Variants in IRF3 observed in about 807,000 individuals in gnomAD.
IRF3 encodes the protein interferon regulatory factor 3.
A neutral mutation model predicts 43.2 loss-of-function variants in IRF3; 29 were observed. That is an observed-to-expected ratio of 0.67 (90% CI 0.50 to 0.91). The LOEUF is 0.91. Ranked by LOEUF, IRF3 falls within the 40% of genes least tolerant of loss-of-function variation. The pLI is 0.00. For synonymous variants in IRF3, 228 were observed against 233.9 expected (o/e 0.97, Z 0.23); for missense variants, 505 against 559.1 (o/e 0.90, Z 0.98).
At chr19:49,664,909 T>G in intron 1 of IRF3, 63 bp from the exon 2 acceptor site, 1 of 1,519,758 alleles carries the variant, frequency 6.6e-7, no homozygotes, top group Non-Finnish European at 8.8e-7. Flanking sequence ...GGCCTGGAGT[T>G]TCCGCACCCA....
chr19:49,663,687 G>A (rs541434873), intron 2 of IRF3, 173 bp from the exon 3 acceptor site: 1 of 615,824 alleles, frequency 1.6e-6, no homozygotes, highest in South Asian at 2.1e-5. Flanking sequence ...CCCACCTCTA[G>A]TTTTCAAAAG....
At chr19:49,661,856 G>A in intron 6 of IRF3, 92 bp downstream of exon 6, 1 of 1,466,872 alleles carries the variant, frequency 6.8e-7, no homozygotes, top group Non-Finnish European at 9.2e-7. Context: ...TGGGACTACA[G>A]GCGTGAGCCA....
Position 49,665,744 on chromosome 19 carries a change from A to C in IRF3, c.-122T>G. 6.6e-7 allele frequency: 1 copy of C among 1,515,306 alleles called. No individual in the cohort carries two copies. Among genetic ancestry groups the C allele is most frequent in the South Asian group, 1.3e-5 (1 of 77,894 alleles). 93.9% of individuals were successfully genotyped at this position (1,515,306 alleles called of 1,614,324 possible). On this transcript the variant is annotated 5_prime_UTR_variant, in exon 1 of 8. Coordinates refer to ENST00000377139, the MANE Select transcript of IRF3 (RefSeq NM_001571.6). ...CCCTTTCCCGTCAGCTGAGCTCTAG[A>C]GCGCTGGGGCTTTCTTTTTGATCGA...
At position 49,665,637 on chromosome 19, in the gene IRF3, T is replaced by C. The variant is rs1052457688; in HGVS notation, c.-15A>G. 4.2e-5 allele frequency: 30 copies of C among 708,316 alleles called. No homozygotes were observed. The highest frequency in any genetic ancestry group is 6.1e-5 in the Non-Finnish European group (27 of 439,198). 43.9% of individuals were successfully genotyped at this position (708,316 alleles called of 1,614,324 possible). A position where few individuals can be genotyped will look rare whatever the true frequency, so the allele number is the denominator to read the frequency against. ...CCGGGCTCTTCCGCGTTACCTACGA[T>C]GGAAGGTCGGGGCGTGCGGGCAGCT... On this transcript the variant is annotated 5_prime_UTR_variant, in exon 1 of 8. Transcript: ENST00000377139.
At chr19:49,661,294 G>A (rs570553269) in intron 6 of IRF3, among the ~76,000 whole-genome samples, 5 of 152,254 alleles carry the variant, frequency 3.3e-5, no homozygotes, top group Non-Finnish European at 7.3e-5. Flanking sequence ...GCAGGTGACT[G>A]TCATTTCCAT....
At chr19:49,660,024 CACA>C (rs1255746069) in intron 7 of IRF3, among the ~76,000 whole-genome samples, 191 bp from the exon 8 acceptor site, 51 of 120,956 alleles carry the variant, frequency 4.2e-4, no homozygotes, top group South Asian at 5.4e-4. Flanking sequence ...CACACACACA[CACA>C]CCCCCTGCTG....
Position 49,660,801 on chromosome 19 carries a change from C to G in IRF3, c.1010G>C (p.Gly337Ala), listed in dbSNP as rs1416297269. The change falls in exon 7 of 8, where the codon GGA becomes GCA. Residue 337 changes from glycine (G) to alanine (A), a missense_variant. Transcript: ENST00000377139. Reference sequence around the variant, plus strand: ...CCAGAGGGCATAGCGTGGTGAGCGTCCGCTTCCTTCCGTGAAGGTAATCAG... The same window carrying G: ...CCAGAGGGCATAGCGTGGTGAGCGTGCGCTTCCTTCCGTGAAGGTAATCAG... Reference protein sequence around the residue: ...VDLITFTEGSGRSPRYALWFC... With the variant: ...VDLITFTEGSARSPRYALWFC... 6.2e-7 allele frequency: 1 copy of G among 1,606,416 alleles called. No individual in the cohort carries two copies. The highest frequency in any genetic ancestry group is 1.3e-5 in the African/African-American group (1 of 74,976).
At position 49,663,358 on chromosome 19, in the gene IRF3, C is replaced by T. The variant is rs1477763512; in HGVS notation, c.322G>A (p.Glu108Lys). Residue 108 changes from glutamate to lysine, a missense_variant, in exon 3 of 8, where the codon GAG becomes AAG. By Grantham distance (56) the Glu-to-Lys change is moderately conservative. Coordinates refer to ENST00000377139, the MANE Select transcript of IRF3 (RefSeq NM_001571.6). ...GCTGGCAGACCTGAGTTCACAAACT[C>T]GTAGATTTTATGTGGGTCGTGAGGG... Reference protein sequence around the residue: ...KDPHDPHKIYEFVNSGVGDFS... With the variant: ...KDPHDPHKIYKFVNSGVGDFS... 8 of 1,614,098 alleles carry T rather than the reference C, an allele frequency of 5.0e-6. No homozygotes were observed. The highest frequency in any genetic ancestry group is 1.7e-5 in the Admixed American group (1 of 60,004).
At chr19:49,661,646 C>T (rs142622342) in intron 6 of IRF3, 3 of 292,864 alleles carry the variant, frequency 1.0e-5, no homozygotes, top group East Asian at 1.4e-4. Context: ...GTGGTGCGAT[C>T]TCAGCTCACT....
At chr19:49,659,984 T>TACAA (rs2081210795) in intron 7 of IRF3, 151 bp from the exon 8 acceptor site, 1 of 322,098 alleles carries the variant, frequency 3.1e-6, no homozygotes. Context: ...GTTGTAGTTT[T>TACAA]ACACACACAC....
At chr19:49,664,623 C>A in intron 2 of IRF3, 51 bp downstream of exon 2, 2 of 1,593,902 alleles carry the variant, frequency 1.3e-6, no homozygotes, top group East Asian at 2.3e-5. Flanking sequence ...GGAGTCCTTT[C>A]CGCCCAGCGC....
At position 49,662,191 on chromosome 19, in the gene IRF3, C is replaced by T; in HGVS notation, c.739G>A (p.Asp247Asn). The change falls in exon 6 of 8, where the codon GAC becomes AAC. Residue 247 changes from aspartate to asparagine, a missense_variant. Physicochemically the swap from Asp to Asn is conservative, Grantham distance 23. Coordinates refer to ENST00000377139, the MANE Select transcript of IRF3 (RefSeq NM_001571.6). ...CTGTCTGTCAGGGACATGCCAGGGT[C>T]TGGCAGTGTGACTGGCCATCCAGGC... ...TLPGWPVTLP[D>N]PGMSLTDRGV... The T allele has an allele frequency of 1.2e-6, 2 of 1,614,170 alleles. No individual in the cohort carries two copies. The highest frequency in any genetic ancestry group is 1.7e-6 in the Non-Finnish European group (2 of 1,180,056).
rs767445736 is a variant in IRF3, at chr19:49,662,070, C to A, written c.860G>T (p.Gly287Val). 1.9e-6 allele frequency: 3 copies of A among 1,613,892 alleles called. No individual in the cohort carries two copies. In the East Asian group the frequency reaches 6.7e-5, roughly 36 times the overall value. Residue 287 changes from glycine (G) to valine (V), a missense_variant, in exon 6 of 8, where the codon GGG becomes GTG. Coordinates refer to ENST00000377139, the MANE Select transcript of IRF3 (RefSeq NM_001571.6). The part of the protein sequence containing the change: ...AGQWLWAQRL[G>V]HCHTYWAVSE... ...CACTGCCCAGTATGTGTGGCAGTGC[C>A]CCAGCCGCTGGGCCCAGAGCCACTG...
rs751165530 is a variant in IRF3, at chr19:49,662,446, G to C, written c.580C>G (p.Arg194Gly). The change falls in exon 5 of 8, where the codon CGG becomes GGG. Residue 194 changes from arginine to glycine, a missense_variant. By Grantham distance (125) the Arg-to-Gly change is moderately radical. Coordinates refer to ENST00000377139, the MANE Select transcript of IRF3 (RefSeq NM_001571.6). ...TCACCTTCCCCCGGCACCAACAGCC[G>C]CTTCAGTGGGTTCTCAGAGGGCCCC... is the stretch of plus-strand genomic sequence containing the variant. ...NLGPSENPLK[R>G]LLVPGEEWEF... 1 of 1,596,854 alleles carries C rather than the reference G, an allele frequency of 6.3e-7. No individual in the cohort carries two copies. The highest frequency in any genetic ancestry group is 8.5e-7 in the Non-Finnish European group (1 of 1,172,182).
intron 4 of IRF3, 115 bp from the exon 5 acceptor site, chr19:49,662,732 A>C (rs1463320083): frequency 2.4e-6 from 2 of 848,932 alleles, no homozygotes; most frequent in Non-Finnish European, 3.6e-6. Context: ...CTCTGCCTTC[A>C]AGGGGCTTCC....
Position 49,660,025 on chromosome 19 carries a change from A to ACACACACCCACC in IRF3, c.1099-193_1099-192insGGTGGGTGTGTG, listed in dbSNP as rs1568451939. On this transcript the variant is annotated intron_variant, in intron 7 of 7. Transcript: ENST00000377139. ...CACACACACACACACACACACACACACACCCCCTGCTGTAACTGAACCATA... is the reference window on the plus strand; with the variant it reads ...CACACACACACACACACACACACACACACACACCCACCCACCCCCTGCTGTAACTGAACCATA... Among the ~76,000 whole-genome samples, 105 of 110,244 alleles carry ACACACACCCACC rather than the reference A, an allele frequency of 9.5e-4. 1 individual carries two copies. Among genetic ancestry groups the ACACACACCCACC allele is most frequent in the African/African-American group, 4.6e-3 (97 of 21,156 alleles). The allele number at this position is 110,244 out of a possible 152,430, so 72.3% of individuals were successfully genotyped here. A position where few individuals can be genotyped will look rare whatever the true frequency, so the allele number is the denominator to read the frequency against.
At position 49,665,661 on chromosome 19, in the gene IRF3, C is replaced by G; in HGVS notation, c.-39G>C. 2 of 945,288 alleles carry G rather than the reference C, an allele frequency of 2.1e-6. No homozygotes were observed. The highest frequency in any genetic ancestry group is 1.7e-5 in the South Asian group (1 of 57,908). 58.6% of individuals were successfully genotyped at this position (945,288 alleles called of 1,614,324 possible). A position where few individuals can be genotyped will look rare whatever the true frequency, so the allele number is the denominator to read the frequency against. On this transcript the variant is annotated 5_prime_UTR_variant, in exon 1 of 8. Coordinates refer to ENST00000377139, the MANE Select transcript of IRF3 (RefSeq NM_001571.6). ...ATGGAAGGTCGGGGCGTGCGGGCAG[C>G]TGGAACCCACCCCTGTCTTGGAGCT...
chr19:49,662,054 GT>G lies in IRF3; in HGVS notation c.875del (p.Tyr292SerfsTer4), dbSNP rs2081356418. The G allele has an allele frequency of 6.2e-7, 1 of 1,613,932 alleles. No individual in the cohort carries two copies. The highest frequency in any genetic ancestry group is 1.7e-5 in the Admixed American group (1 of 60,012). On this transcript the variant is annotated frameshift_variant, in exon 6 of 8. Transcript: ENST00000377139. LOFTEE classifies it high-confidence loss of function. The part of the protein sequence containing the change: ...WAQRLGHCHT[Y>X]WAVSEELLPN... ...GGAGCAGCTCCTCGCTCACTGCCCA[GT>G]ATGTGTGGCAGTGCCCCAGCCGCTG... is the stretch of plus-strand genomic sequence containing the variant.
In IRF3 at chr19:49,664,802, C is replaced by G; in HGVS notation, c.37G>C (p.Val13Leu). 6.2e-7 allele frequency: 1 copy of G among 1,613,846 alleles called. No individual in the cohort carries two copies. The highest frequency in any genetic ancestry group is 1.1e-5 in the South Asian group (1 of 91,076). ...TPKPRILPWL[V>L]SQLDLGQLEG... ...AGTTGCCCCAGGTCCAGCTGCGACACCAGCCAGGGCAGGATCCGTGGCTTT... is the reference window on the plus strand; with the variant it reads ...AGTTGCCCCAGGTCCAGCTGCGACAGCAGCCAGGGCAGGATCCGTGGCTTT... Residue 13 changes from valine (V) to leucine (L), a missense_variant, in exon 2 of 8, where the codon GTG becomes CTG. Physicochemically the swap from Val to Leu is conservative, Grantham distance 32. Transcript: ENST00000377139.
Sources: gnomAD v4.1 joint callset for allele counts (sites outside exome capture counted in the v4.1 genomes callset) on GRCh38, gnomAD v4.1.1 for gene constraint, MANE v1.5 for transcripts, NCBI Gene and HGNC (gene_info 2026-07-23, HGNC 2026-07-21) for gene names.